ITGB5: variants seen among roughly 807,000 people sequenced by gnomAD.
The protein encoded by ITGB5 is integrin subunit beta 5, also known as integrin beta-5.
Under a neutral mutation model 84.8 loss-of-function variants are expected in ITGB5, and 38 were observed. The ratio of observed to expected loss-of-function variants is 0.45; its 90% CI spans 0.35 to 0.59. The LOEUF is 0.59. Among genes scored for constraint, ITGB5 ranks in the 20% least tolerant of loss-of-function variants. ITGB5 has a pLI of 0.01. For synonymous variants in ITGB5, 393 were observed against 414.4 expected (o/e 0.95, Z 0.63); for missense variants, 905 against 1,034.5 (o/e 0.87, Z 1.72).
At chr3:124,846,624 A>G (rs1312228911) in intron 4 of ITGB5, among the ~76,000 whole-genome samples, 1 of 152,120 alleles carries the variant, frequency 6.6e-6, no homozygotes, top group Non-Finnish European at 1.5e-5. Flanking sequence ...TGAATGGGGA[A>G]GAAGACATTA....
chr3:124,826,590 G>A (rs1210046661), intron 5 of ITGB5, among the ~76,000 whole-genome samples: 3 of 152,176 alleles, frequency 2.0e-5, no homozygotes, highest in African/African-American at 7.2e-5. Context: ...GAAGTGACCA[G>A]CCCATCAACT....
intron 10 of ITGB5, among the ~76,000 whole-genome samples, chr3:124,777,384 A>G (rs1579182991): frequency 6.6e-6 from 1 of 152,232 alleles, no homozygotes; most frequent in East Asian, 1.9e-4. Flanking sequence ...TTTGGCCTCC[A>G]ATATTTGATG....
rs1340413517 is a variant in ITGB5 at position 124,841,545 on chromosome 3, C to T, written c.618G>A (p.Lys206=). The part of the protein sequence containing the change: ...RYQTNPCIGY[K]LFPNCVPSFG... ...AGGAGGGGACGCAATTTGGAAACAA[C>T]TTGTAACTAGAGAGGAAGAAGAGAA... The change falls in exon 5 of 15, where the codon AAG becomes AAA. Residue 206 remains lysine (K), a synonymous_variant. Coordinates refer to ENST00000296181, the MANE Select transcript of ITGB5 (RefSeq NM_002213.5). The T allele has an allele frequency of 2.3e-5, 37 of 1,613,548 alleles. No individual in the cohort carries two copies. The highest frequency in any genetic ancestry group is 3.1e-5 in the Non-Finnish European group (36 of 1,179,754).
At chr3:124,887,909 CTT>C (rs959261697), upstream of ITGB5, 7 of 216,618 alleles carry the variant, frequency 3.2e-5, no homozygotes, top group Non-Finnish European at 5.8e-5. Context: ...ACCTACATTT[CTT>C]TTTCTTTTCT....
Position 124,771,929 on chromosome 3 carries a change from C to T in ITGB5, c.1916+1761G>A, listed in dbSNP as rs534656695. Among the ~76,000 whole-genome samples, 11 of 152,218 alleles carry T rather than the reference C, an allele frequency of 7.2e-5. No homozygotes were observed. In the East Asian group the frequency reaches 2.1e-3, roughly 29 times the overall value. Reference sequence around the variant, plus strand: ...CTGGGCCTTTGACTTAAAGCCAATCCTCCATTGCCTGCTGCTCCATAGGAA... The same window carrying T: ...CTGGGCCTTTGACTTAAAGCCAATCTTCCATTGCCTGCTGCTCCATAGGAA... On this transcript the variant is annotated intron_variant, in intron 11 of 14. Transcript: ENST00000296181.
chr3:124,802,878 C>T (rs2064337306), intron 9 of ITGB5, among the ~76,000 whole-genome samples: 1 of 152,174 alleles, frequency 6.6e-6, no homozygotes, highest in South Asian at 2.1e-4. Flanking sequence ...GCAGTGGAGT[C>T]AGGGGCCATG....
intron 1 of ITGB5, among the ~76,000 whole-genome samples, chr3:124,881,396 G>A (rs563655561): frequency 3.0e-4 from 46 of 152,258 alleles, no homozygotes; most frequent in African/African-American, 1.1e-3. Context: ...ATAAGACCAG[G>A]GCTATTAACC....
chr3:124,894,464 GTTTTA>G (rs1935063397), intron 1 of ITGB5: 2 of 152,124 alleles, frequency 1.3e-5, no homozygotes, highest in East Asian at 3.9e-4. Flanking sequence ...GGCCATGCTT[GTTTTA>G]TTTTATTTTT....
At chr3:124,863,679 T>C (rs368060981) in intron 2 of ITGB5, among the ~76,000 whole-genome samples, 2 of 152,158 alleles carry the variant, frequency 1.3e-5, no homozygotes, top group African/African-American at 4.8e-5. Context: ...CTACTATGCC[T>C]GGCTAATTTT....
chr3:124,766,827 A>G (rs1329912398), intron 12 of ITGB5, among the ~76,000 whole-genome samples: 2 of 152,350 alleles, frequency 1.3e-5, no homozygotes, highest in Admixed American at 1.3e-4. Context: ...TGCAAAATCA[A>G]AAAGAACCAC....
intron 9 of ITGB5, among the ~76,000 whole-genome samples, chr3:124,808,706 G>A (rs1192071131): frequency 6.6e-6 from 1 of 152,174 alleles, no homozygotes; most frequent in East Asian, 1.9e-4. Flanking sequence ...ATTCCTACCT[G>A]TACTCTTTCT....
At chr3:124,771,221 C>T (rs530117426) in intron 11 of ITGB5, among the ~76,000 whole-genome samples, 2 of 151,922 alleles carry the variant, frequency 1.3e-5, no homozygotes, top group Admixed American at 6.5e-5. Flanking sequence ...GTGAACTCAC[C>T]CAAAGTGAAA....
intron 1 of ITGB5, among the ~76,000 whole-genome samples, chr3:124,876,201 A>G (rs1412859192): frequency 6.6e-6 from 1 of 152,228 alleles, no homozygotes; most frequent in African/African-American, 2.4e-5. Context: ...TATGTGAATT[A>G]GCTGGATGGT....
chr3:124,786,490 C>A (rs2064083626), intron 10 of ITGB5, among the ~76,000 whole-genome samples: 1 of 152,100 alleles, frequency 6.6e-6, no homozygotes, highest in South Asian at 2.1e-4. Flanking sequence ...AACATACCAA[C>A]CTGGGTTGCA....
intron 13 of ITGB5, among the ~76,000 whole-genome samples, chr3:124,765,017 T>C (rs1251416427): frequency 1.3e-5 from 2 of 152,206 alleles, no homozygotes; most frequent in African/African-American, 4.8e-5. Context: ...TGTGCTTGTT[T>C]TCAAAGAACC....
In ITGB5 at chr3:124,796,532, C is replaced by T; in HGVS notation, c.1549G>A (p.Glu517Lys). The change falls in exon 10 of 15, where the codon GAG becomes AAG. Residue 517 changes from glutamate to lysine, a missense_variant. Around this residue, in one of 3 missense-constraint regions of ITGB5, gnomAD observed 656 missense variants for 734.7 expected, o/e 0.89. Transcript: ENST00000296181. ...CGCCCGCTGCACAGTGGCTTGCCCT[C>T]TGCCTCCCGGCACAGGTTCTGGTAC... is the stretch of plus-strand genomic sequence containing the variant. ...SVYQNLCREA[E>K]GKPLCSGRGD... The T allele has an allele frequency of 6.2e-7, 1 of 1,614,138 alleles. No individual in the cohort carries two copies.
intron 4 of ITGB5, among the ~76,000 whole-genome samples, chr3:124,844,802 C>T (rs1409337622): frequency 1.3e-5 from 2 of 152,138 alleles, no homozygotes; most frequent in African/African-American, 2.4e-5. Flanking sequence ...GAAAGCAGCA[C>T]GGAAGCTGAC....
intron 5 of ITGB5, among the ~76,000 whole-genome samples, chr3:124,834,442 A>G (rs1404831649): frequency 2.7e-5 from 4 of 147,114 alleles, no homozygotes; most frequent in Non-Finnish European, 1.5e-5. Context: ...AAAGAAAGAA[A>G]GAAGGAAGGA....
intron 5 of ITGB5, among the ~76,000 whole-genome samples, chr3:124,826,305 GAC>G (rs2107569927): frequency 6.6e-6 from 1 of 152,280 alleles, no homozygotes; most frequent in African/African-American, 2.4e-5. Context: ...GTCTTGTGGG[GAC>G]ACAAAGTGGG....
Sources: gnomAD v4.1 joint callset for allele counts (sites outside exome capture counted in the v4.1 genomes callset) on GRCh38, gnomAD v4.1.1 for gene constraint, gnomAD v4.1.1 regional missense constraint, MANE v1.5 for transcripts, NCBI Gene and HGNC (gene_info 2026-07-23, HGNC 2026-07-21) for gene names.